CSMD3: variants seen among roughly 807,000 people sequenced by gnomAD.
The protein encoded by CSMD3 is CUB and sushi domain-containing protein 3.
In CSMD3, 177 loss-of-function variants were observed where a neutral mutation model predicts 435.2. The ratio of observed to expected loss-of-function variants is 0.41; its 90% CI spans 0.36 to 0.46. CSMD3 has a LOEUF of 0.46. Among genes scored for constraint, CSMD3 ranks in the 20% least tolerant of loss-of-function variants. The pLI, the probability that CSMD3 is intolerant of heterozygous loss-of-function variation, is 0.34. For missense variants in CSMD3, 4,265 were observed against 4,504.6 expected, an observed-to-expected ratio of 0.95 and a Z score of 1.52; for synonymous variants, 1,656 against 1,520.5, an observed-to-expected ratio of 1.09 and a Z score of -2.07.
chr8:113,153,526 CACTT>C (rs1274042218), intron 4 of CSMD3, among the ~76,000 whole-genome samples: 6 of 152,024 alleles, frequency 3.9e-5, no homozygotes, highest in South Asian at 2.1e-4. Flanking sequence ...AAAAATATGA[CACTT>C]ACATTGTTTG....
At chr8:113,343,753 A>T (rs2094134644) in intron 1 of CSMD3, among the ~76,000 whole-genome samples, 1 of 152,152 alleles carries the variant, frequency 6.6e-6, no homozygotes. Context: ...GGGCCAAGAA[A>T]AAAATCATAA....
chr8:112,748,820 T>C (rs2077500234), intron 13 of CSMD3, among the ~76,000 whole-genome samples: 2 of 152,230 alleles, frequency 1.3e-5, no homozygotes, highest in Admixed American at 6.5e-5. Flanking sequence ...TGTGTATTTA[T>C]ATTAGAATGC....
intron 17 of CSMD3, among the ~76,000 whole-genome samples, chr8:112,659,085 G>A (rs1272075439): frequency 6.6e-6 from 1 of 152,156 alleles, no homozygotes; most frequent in Non-Finnish European, 1.5e-5. Flanking sequence ...ATGCACGGAA[G>A]AGTCAGGGAT....
intron 1 of CSMD3, among the ~76,000 whole-genome samples, chr8:113,342,092 A>G (rs2094123248): frequency 6.6e-6 from 1 of 152,120 alleles, no homozygotes; most frequent in African/African-American, 2.4e-5. Flanking sequence ...GAAAAAAAAA[A>G]CAAGAAGAAA....
intron 42 of CSMD3, 140 bp downstream of exon 42, chr8:112,341,337 C>A: frequency 4.8e-6 from 3 of 626,382 alleles, no homozygotes; most frequent in Non-Finnish European, 8.2e-6. Context: ...TAAAAATCTT[C>A]CTAATTGAAG....
intron 1 of CSMD3, among the ~76,000 whole-genome samples, chr8:113,431,845 G>A (rs2094675677): frequency 6.6e-6 from 1 of 152,030 alleles, no homozygotes; most frequent in Non-Finnish European, 1.5e-5. Flanking sequence ...GACATTTGGT[G>A]TCTATTTGTT....
chr8:112,843,786 C>A (rs1029139161), intron 11 of CSMD3, among the ~76,000 whole-genome samples: 5 of 151,858 alleles, frequency 3.3e-5, no homozygotes, highest in African/African-American at 4.8e-5. Flanking sequence ...CCAGATTTTC[C>A]AAAAAGGAAT....
At chr8:112,767,683 G>T (rs765923009) in intron 13 of CSMD3, among the ~76,000 whole-genome samples, 3 of 151,550 alleles carry the variant, frequency 2.0e-5, no homozygotes, top group Non-Finnish European at 4.4e-5. Context: ...AATGTCCAAG[G>T]GTATAGTTTC....
intron 13 of CSMD3, among the ~76,000 whole-genome samples, chr8:112,693,720 T>G (rs2131841364): frequency 6.6e-6 from 1 of 152,102 alleles, no homozygotes; most frequent in East Asian, 1.9e-4. Flanking sequence ...TTACCATTAT[T>G]TCCTTTAAAA....
chr8:112,858,235 C>G (rs142318170), intron 11 of CSMD3, among the ~76,000 whole-genome samples: 1 of 151,768 alleles, frequency 6.6e-6, no homozygotes, highest in African/African-American at 2.4e-5. Context: ...ACTGTGTTTG[C>G]ATTATCTTGC....
At chr8:112,241,544 A>G (rs1487604538) in intron 66 of CSMD3, among the ~76,000 whole-genome samples, 176 bp downstream of exon 66, 1 of 152,088 alleles carries the variant, frequency 6.6e-6, no homozygotes, top group East Asian at 1.9e-4. Flanking sequence ...TTGGAATACT[A>G]ACATGTCACT....
At chr8:112,690,478 C>T (rs567070785) in intron 13 of CSMD3, among the ~76,000 whole-genome samples, 2 of 151,666 alleles carry the variant, frequency 1.3e-5, no homozygotes, top group Admixed American at 6.6e-5. Flanking sequence ...GACCAGGACA[C>T]GAGGGAACAT....
chr8:113,331,930 G>T (rs777067450), intron 1 of CSMD3, among the ~76,000 whole-genome samples: 4 of 151,514 alleles, frequency 2.6e-5, no homozygotes, highest in Admixed American at 6.6e-5. Flanking sequence ...TCTAGCCAGA[G>T]AAATTAGATA....
intron 1 of CSMD3, among the ~76,000 whole-genome samples, chr8:113,363,458 G>C (rs1320399289): frequency 6.6e-6 from 1 of 152,050 alleles, no homozygotes; most frequent in African/African-American, 2.4e-5. Context: ...ATAAAATTCT[G>C]CTCTTTCCCT....
At chr8:113,246,171 T>G (rs1281788119) in intron 3 of CSMD3, among the ~76,000 whole-genome samples, 2 of 151,954 alleles carry the variant, frequency 1.3e-5, no homozygotes, top group East Asian at 3.9e-4. Context: ...TTTTTATCTT[T>G]TCTCTCTCCT....
intron 1 of CSMD3, among the ~76,000 whole-genome samples, chr8:113,327,745 A>G (rs1269451617): frequency 6.6e-6 from 1 of 152,020 alleles, no homozygotes; most frequent in African/African-American, 2.4e-5. Context: ...CCATGGTTAG[A>G]GCCCTATCCC....
chr8:113,250,104 C>A (rs531168566), intron 3 of CSMD3, among the ~76,000 whole-genome samples: 1 of 151,980 alleles, frequency 6.6e-6, no homozygotes, highest in African/African-American at 2.4e-5. Context: ...AAAACAGACA[C>A]GAACAACAGT....
intron 5 of CSMD3, among the ~76,000 whole-genome samples, chr8:113,068,070 C>T (rs891371258): frequency 1.3e-5 from 2 of 152,054 alleles, no homozygotes; most frequent in Non-Finnish European, 2.9e-5. Flanking sequence ...ACAAACTGTT[C>T]ATGTGAAATT....
chr8:112,938,457 A>T (rs1251834979), intron 9 of CSMD3, among the ~76,000 whole-genome samples: 4 of 152,232 alleles, frequency 2.6e-5, no homozygotes, highest in Non-Finnish European at 4.4e-5. Context: ...GATAAAAGTT[A>T]TAAGAAACCA....
Sources: gnomAD v4.1 joint callset for allele counts (sites outside exome capture counted in the v4.1 genomes callset) on GRCh38, gnomAD v4.1.1 for gene constraint, MANE v1.5 for transcripts, NCBI Gene and HGNC (gene_info 2026-07-23, HGNC 2026-07-21) for gene names.